The following ROBO1 variants were observed in gnomAD, a reference collection of about 807,000 sequenced individuals.
The protein encoded by ROBO1 is roundabout guidance receptor 1, also known as roundabout homolog 1.
Under a neutral mutation model 195.9 loss-of-function variants are expected in ROBO1, and 149 were observed. The ratio of observed to expected loss-of-function variants is 0.76; its 90% CI spans 0.67 to 0.87. The LOEUF (loss-of-function observed/expected upper bound fraction) is 0.87. Ranked by LOEUF, ROBO1 falls within the 40% of genes least tolerant of loss-of-function variation. The pLI, the probability that ROBO1 is intolerant of heterozygous loss-of-function variation, is 0.00. For synonymous variants in ROBO1, 816 were observed against 733.2 expected, an observed-to-expected ratio of 1.11 and a Z score of -1.82; for missense variants, 1,933 against 2,068.3, an observed-to-expected ratio of 0.93 and a Z score of 1.27.
At chr3:79,342,736 T>A (rs1300383799) in intron 2 of ROBO1, among the ~76,000 whole-genome samples, 2 of 152,130 alleles carry the variant, frequency 1.3e-5, no homozygotes, top group East Asian at 1.9e-4. Context: ...ATGAATCAAA[T>A]CTTTAAAATA....
At chr3:79,510,236 C>A (rs115153391) in intron 2 of ROBO1, among the ~76,000 whole-genome samples, 3,190 of 152,228 alleles carry the variant, frequency 0.021, 66 homozygotes, top group South Asian at 0.05. Context: ...AGGTGCTCAC[C>A]GTCCTGCTGT....
intron 2 of ROBO1, among the ~76,000 whole-genome samples, chr3:79,446,841 T>G (rs564318505): frequency 2.6e-5 from 4 of 152,326 alleles, no homozygotes; most frequent in Non-Finnish European, 5.9e-5. Context: ...ATTTATTTTT[T>G]GAGATGGAGT....
chr3:78,696,163 T>C (rs371841162), intron 8 of ROBO1, among the ~76,000 whole-genome samples: 8 of 149,394 alleles, frequency 5.4e-5, no homozygotes, highest in African/African-American at 2.0e-4. Flanking sequence ...ACTTGGAACC[T>C]GTTCATTCAT....
intron 2 of ROBO1, among the ~76,000 whole-genome samples, chr3:79,475,447 A>C (rs1412640867): frequency 1.3e-5 from 2 of 152,066 alleles, no homozygotes; most frequent in Non-Finnish European, 2.9e-5. Flanking sequence ...TTCTGCTTCC[A>C]AATATATTAT....
intron 2 of ROBO1, among the ~76,000 whole-genome samples, chr3:79,519,101 AG>A (rs1208256577): frequency 6.6e-6 from 1 of 152,150 alleles, no homozygotes; most frequent in African/African-American, 2.4e-5. Context: ...TCCAGAACCC[AG>A]GCTGAAGAGA....
At chr3:79,741,109 G>T (rs1703624300) in intron 1 of ROBO1, among the ~76,000 whole-genome samples, 1 of 152,206 alleles carries the variant, frequency 6.6e-6, no homozygotes, top group Non-Finnish European at 1.5e-5. Flanking sequence ...AAAAGGTTGT[G>T]CTTAGGGGCT....
At chr3:79,251,485 G>A (rs2082728145) in intron 2 of ROBO1, among the ~76,000 whole-genome samples, 1 of 152,162 alleles carries the variant, frequency 6.6e-6, no homozygotes, top group African/African-American at 2.4e-5. Flanking sequence ...GGGCGCTGTG[G>A]CTCATGCCTG....
intron 4 of ROBO1, among the ~76,000 whole-genome samples, chr3:78,928,961 G>T (rs1211563521): frequency 3.3e-5 from 5 of 152,028 alleles, no homozygotes; most frequent in Non-Finnish European, 7.4e-5. Context: ...GAGGGGGAGA[G>T]ATTGAGATAT....
At chr3:79,523,054 T>C (rs1218634748) in intron 2 of ROBO1, among the ~76,000 whole-genome samples, 2 of 152,162 alleles carry the variant, frequency 1.3e-5, no homozygotes, top group Non-Finnish European at 2.9e-5. Context: ...TATAATTATC[T>C]AATAAACAAC....
At chr3:78,949,098 TAG>T (rs1560037421) in intron 3 of ROBO1, among the ~76,000 whole-genome samples, 1 of 142,034 alleles carries the variant, frequency 7.0e-6, no homozygotes. Context: ...AGGTAATTTA[TAG>T]ATTCAATGCC....
intron 2 of ROBO1, among the ~76,000 whole-genome samples, chr3:79,226,981 T>C (rs918920736): frequency 1.3e-5 from 2 of 152,184 alleles, no homozygotes; most frequent in Non-Finnish European, 2.9e-5. Context: ...GATCTGTTTC[T>C]CCCTTCTCAG....
At chr3:78,884,476 G>A (rs1268729232) in intron 4 of ROBO1, among the ~76,000 whole-genome samples, 1 of 151,770 alleles carries the variant, frequency 6.6e-6, no homozygotes, top group Non-Finnish European at 1.5e-5. Flanking sequence ...AAATCAGCGA[G>A]GCATGGTGGC....
rs2084132005 is a variant in ROBO1, at chr3:78,794,710, G to T, written c.500-47810C>A. On this transcript the variant is annotated intron_variant, in intron 4 of 30. Coordinates refer to ENST00000464233, the MANE Select transcript of ROBO1 (RefSeq NM_002941.4). ...TCCCACCTCAGCCATGTGCTACCGAGTAGCTAGGACTGCAGGCATGTACCA... is the reference window on the plus strand; with the variant it reads ...TCCCACCTCAGCCATGTGCTACCGATTAGCTAGGACTGCAGGCATGTACCA... Among the ~76,000 whole-genome samples the T allele has an allele frequency of 4.6e-5, 7 of 152,072 alleles. No individual in the cohort carries two copies. In the South Asian group the frequency reaches 1.5e-3, roughly 32 times the overall value.
At chr3:78,695,596 GCCTGGCCAAC>G (rs895442376) in intron 8 of ROBO1, among the ~76,000 whole-genome samples, 2 of 139,560 alleles carry the variant, frequency 1.4e-5, no homozygotes, top group African/African-American at 5.5e-5. Flanking sequence ...CTGCACTCCA[GCCTGGCCAAC>G]AGAGCAAGAC....
At chr3:78,600,480 G>T (rs1703108626) in intron 29 of ROBO1, among the ~76,000 whole-genome samples, 171 bp from the exon 30 acceptor site, 1 of 152,170 alleles carries the variant, frequency 6.6e-6, no homozygotes, top group Non-Finnish European at 1.5e-5. Context: ...TGTTGAAAAT[G>T]AAAAGTATAA....
chr3:79,530,867 A>T (rs1941630354), intron 2 of ROBO1, among the ~76,000 whole-genome samples: 1 of 151,470 alleles, frequency 6.6e-6, no homozygotes, highest in Non-Finnish European at 1.5e-5. Flanking sequence ...TGACTTACTT[A>T]TAAGACCCTG....
chr3:79,453,899 A>G (rs964429047), intron 2 of ROBO1, among the ~76,000 whole-genome samples: 11 of 152,124 alleles, frequency 7.2e-5, no homozygotes, highest in African/African-American at 2.7e-4. Context: ...AGCAACAATG[A>G]AAGATTGATT....
chr3:78,967,389 A>G (rs559548249), intron 3 of ROBO1, among the ~76,000 whole-genome samples: 5 of 135,768 alleles, frequency 3.7e-5, no homozygotes, highest in African/African-American at 1.1e-4. Flanking sequence ...CCCTATTCCT[A>G]CAATTCCAAG....
chr3:78,736,181 C>T (rs1156464307), intron 5 of ROBO1, among the ~76,000 whole-genome samples: 1 of 152,040 alleles, frequency 6.6e-6, no homozygotes, highest in Admixed American at 6.6e-5. Flanking sequence ...ATAAAATTAA[C>T]AAAATCATAT....
Sources: allele counts gnomAD v4.1 joint callset (sites outside exome capture counted in the v4.1 genomes callset), GRCh38; gene constraint gnomAD v4.1.1; transcripts MANE v1.5; gene names NCBI Gene and HGNC (gene_info 2026-07-23, HGNC 2026-07-21).